ZNF600: variants seen among roughly 807,000 people sequenced by gnomAD.
ZNF600 encodes the protein zinc finger protein 600.
Under a neutral mutation model 7.3 loss-of-function variants are expected in ZNF600, and 4 were observed. That is an observed-to-expected ratio of 0.55 (90% confidence interval 0.27 to 1.25). The LOEUF is 1.25. Among genes scored for constraint, ZNF600 ranks in the 50% most tolerant of loss-of-function variants. ZNF600 has a pLI of 0.12. For missense variants in ZNF600, 911 were observed against 922.1 expected (o/e 0.99, Z 0.16); for synonymous variants, 290 against 308.9 (o/e 0.94, Z 0.64).
chr19:52,797,476 C>T, the ZNF600 span: 33 of 152,270 alleles, frequency 2.2e-4, 1 homozygote, highest in Admixed American at 2.1e-3. Context: ...TCACAGTCAA[C>T]CAAAATACAA....
At chr19:52,811,442 G>T in the ZNF600 span, among the ~76,000 whole-genome samples, 12 of 147,350 alleles carry the variant, frequency 8.1e-5, no homozygotes, top group Non-Finnish European at 1.2e-4. Context: ...CATCTAGGAA[G>T]CGAGGAGCGC....
At chr19:52,782,417 G>C (rs1424282801) in intron 1 of ZNF600, among the ~76,000 whole-genome samples, 1 of 151,812 alleles carries the variant, frequency 6.6e-6, no homozygotes, top group Non-Finnish European at 1.5e-5. Flanking sequence ...TAACTACTCA[G>C]GAGGCTGAGG....
At chr19:52,813,416 C>G in the ZNF600 span, among the ~76,000 whole-genome samples, 9 of 147,798 alleles carry the variant, frequency 6.1e-5, no homozygotes, top group African/African-American at 1.0e-4. Flanking sequence ...ACAGTGCAAG[C>G]TGCTCCCCGT....
chr19:52,805,670 A>ATAAATAAATAAATAAATAAT, the ZNF600 span: 1 of 151,384 alleles, frequency 6.6e-6, no homozygotes, highest in Non-Finnish European at 1.5e-5. Context: ...AAATAAATAA[A>ATAAATAAATAAATAAATAAT]GTTCTCCAGT....
the ZNF600 span, among the ~76,000 whole-genome samples, chr19:52,797,015 G>A: frequency 1.3e-5 from 2 of 152,154 alleles, no homozygotes; most frequent in Admixed American, 6.5e-5. Context: ...CTGTATTCAA[G>A]AGGATATAAA....
At chr19:52,824,237 C>T in the ZNF600 span, among the ~76,000 whole-genome samples, 1 of 151,978 alleles carries the variant, frequency 6.6e-6, no homozygotes, top group African/African-American at 2.4e-5. Context: ...AAAGGAAATG[C>T]CTCCTCTTTA....
chr19:52,785,934 T>C (rs956603980), intron 1 of ZNF600, among the ~76,000 whole-genome samples: 1 of 152,178 alleles, frequency 6.6e-6, no homozygotes, highest in African/African-American at 2.4e-5. Flanking sequence ...GTTTTTTTTC[T>C]TTCACTTTTG....
intron 1 of ZNF600, among the ~76,000 whole-genome samples, chr19:52,779,462 C>T (rs140512140): frequency 0.01 from 1,585 of 152,328 alleles, 24 homozygotes; most frequent in African/African-American, 0.036. Flanking sequence ...CACAGCCCCA[C>T]GTTCTGGCTC....
the ZNF600 span, among the ~76,000 whole-genome samples, chr19:52,794,216 G>C: frequency 2.6e-5 from 4 of 152,168 alleles, no homozygotes; most frequent in Admixed American, 2.6e-4. Context: ...AAGATGATTT[G>C]AGTCTAATCC....
chr19:52,798,233 C>T, the ZNF600 span: 1 of 163,626 alleles, frequency 6.1e-6, no homozygotes, highest in African/African-American at 2.4e-5. Context: ...CTCTTAACCT[C>T]CAGTGACCTA....
upstream of ZNF600, among the ~76,000 whole-genome samples, chr19:52,787,070 T>C (rs147549680): frequency 0.015 from 2,351 of 152,406 alleles, 29 homozygotes; most frequent in Non-Finnish European, 0.023. Context: ...GATTTCATGC[T>C]GATGGCCCAC....
chr19:52,832,509 T>C, the ZNF600 span, among the ~76,000 whole-genome samples: 1 of 151,800 alleles, frequency 6.6e-6, no homozygotes, highest in African/African-American at 2.4e-5. Context: ...GCAGAAGAAT[T>C]GCTTGAACCC....
chr19:52,823,197 C>T, the ZNF600 span, among the ~76,000 whole-genome samples: 1 of 151,892 alleles, frequency 6.6e-6, no homozygotes, highest in Non-Finnish European at 1.5e-5. Flanking sequence ...AATTTTATTG[C>T]ACTTTTTGTT....
the ZNF600 span, among the ~76,000 whole-genome samples, chr19:52,829,241 T>G: frequency 1.3e-5 from 2 of 150,434 alleles, no homozygotes; most frequent in Non-Finnish European, 3.0e-5. Flanking sequence ...TTACTTTAAG[T>G]TTTAGGGTAC....
At chr19:52,820,471 C>G in the ZNF600 span, among the ~76,000 whole-genome samples, 9 of 151,920 alleles carry the variant, frequency 5.9e-5, no homozygotes, top group Admixed American at 5.2e-4. Flanking sequence ...TCCTCAATCT[C>G]CATAGATTTC....
At chr19:52,817,504 A>T in the ZNF600 span, among the ~76,000 whole-genome samples, 124 of 152,282 alleles carry the variant, frequency 8.1e-4, no homozygotes, top group Non-Finnish European at 1.4e-3. Flanking sequence ...TGTGGTATAA[A>T]ATCAGGGAGA....
At chr19:52,809,916 G>A in the ZNF600 span, 113 of 845,610 alleles carry the variant, frequency 1.3e-4, no homozygotes, top group African/African-American at 1.5e-3. Context: ...TGTGCCCGGG[G>A]CCGGTGGGGA....
chr19:52,815,864 G>A, the ZNF600 span, among the ~76,000 whole-genome samples: 77,636 of 146,140 alleles, frequency 0.53, 25,578 homozygotes, highest in Non-Finnish European at 0.68. Flanking sequence ...CCTTGACAAC[G>A]GTGTGATGAA....
chr19:52,792,540 G>T, the ZNF600 span, among the ~76,000 whole-genome samples: 2 of 151,866 alleles, frequency 1.3e-5, no homozygotes, highest in East Asian at 3.9e-4. Context: ...GCGACAAAAC[G>T]AGACTTCATC....
Sources: gnomAD v4.1 joint callset for allele counts (sites outside exome capture counted in the v4.1 genomes callset) on GRCh38, gnomAD v4.1.1 for gene constraint, MANE v1.5 for transcripts, NCBI Gene and HGNC (gene_info 2026-07-23, HGNC 2026-07-21) for gene names.